CCDC6: variants seen among roughly 807,000 people sequenced by gnomAD.
CCDC6 encodes coiled-coil domain containing 6.
CCDC6 carries 20 observed loss-of-function variants against 56.6 expected under a neutral mutation model. That is an observed-to-expected ratio of 0.35 (90% confidence interval 0.25 to 0.51). CCDC6 has a LOEUF of 0.51. Among genes scored for constraint, CCDC6 ranks in the 20% least tolerant of loss-of-function variants. CCDC6 has a pLI of 0.95. For missense variants in CCDC6, 367 were observed against 601.1 expected (o/e 0.61, Z 4.07); for synonymous variants, 241 against 234.4 (o/e 1.03, Z -0.26).
rs183935871 is a variant in CCDC6, at chr10:59,806,260, G to C, written c.1004+662C>G. Among the ~76,000 whole-genome samples the C allele has an allele frequency of 1.5e-3, 226 of 152,316 alleles. 2 individuals are homozygous for C. Among genetic ancestry groups the C allele is most frequent in the African/African-American group, 5.1e-3 (210 of 41,560 alleles). On this transcript the variant is annotated intron_variant, in intron 6 of 8. Coordinates refer to ENST00000263102, the MANE Select transcript of CCDC6 (RefSeq NM_005436.5). ...ACCTTATCCCGAATTTAGAGAGGAG[G>C]AAGAGGGAAGAGAACTGGATGAGGC...
At chr10:59,895,311 C>T (rs370813569) in intron 1 of CCDC6, among the ~76,000 whole-genome samples, 158 of 152,136 alleles carry the variant, frequency 1.0e-3, no homozygotes, top group African/African-American at 3.4e-3. Flanking sequence ...CAAAGAAAAC[C>T]GACCAAACAA....
intron 3 of CCDC6, among the ~76,000 whole-genome samples, chr10:59,831,903 C>A (rs753135239): frequency 1.3e-5 from 2 of 152,206 alleles, no homozygotes; most frequent in Non-Finnish European, 2.9e-5. Context: ...TACTTCCCAC[C>A]TTTGTCCCTT....
intron 1 of CCDC6, among the ~76,000 whole-genome samples, chr10:59,890,442 C>A (rs1304859596): frequency 6.6e-6 from 1 of 152,108 alleles, no homozygotes; most frequent in African/African-American, 2.4e-5. Flanking sequence ...CAGACAGCAA[C>A]CTGATCTCAG....
intron 7 of CCDC6, among the ~76,000 whole-genome samples, chr10:59,800,735 C>T (rs2070568035): frequency 6.6e-6 from 1 of 151,442 alleles, no homozygotes. Context: ...GCATCTTCAC[C>T]CTCTGACCCA....
At chr10:59,794,811 A>G (rs190938381) in intron 7 of CCDC6, among the ~76,000 whole-genome samples, 69 of 152,300 alleles carry the variant, frequency 4.5e-4, no homozygotes, top group African/African-American at 1.6e-3. Flanking sequence ...ACTCACACGT[A>G]TATGGTCAAC....
chr10:59,876,589 G>GA (rs10714988), intron 1 of CCDC6, among the ~76,000 whole-genome samples: 1,381 of 101,314 alleles, frequency 0.014, 6 homozygotes, highest in East Asian at 0.047. Context: ...TGTTAAGGGG[G>GA]AAAAAAAAAA....
chr10:59,859,834 GCGGGCATATCATT>G (rs1335208262), intron 1 of CCDC6, among the ~76,000 whole-genome samples: 4 of 151,296 alleles, frequency 2.6e-5, no homozygotes, highest in African/African-American at 9.8e-5. Flanking sequence ...GGAGGCTGAG[GCGGGCATATCATT>G]TGAGGCCGGC....
intron 1 of CCDC6, among the ~76,000 whole-genome samples, chr10:59,858,994 T>C (rs888227889): frequency 6.6e-6 from 1 of 152,200 alleles, no homozygotes; most frequent in African/African-American, 2.4e-5. Context: ...TTCAGGGTGC[T>C]GCTTTCTCCT....
At chr10:59,843,450 A>AT (rs1491272129) in intron 2 of CCDC6, among the ~76,000 whole-genome samples, 5 of 152,216 alleles carry the variant, frequency 3.3e-5, no homozygotes, top group African/African-American at 4.8e-5. Flanking sequence ...AAGAAAAGTG[A>AT]TATGTTTCCA....
chr10:59,851,765 G>A (rs1334286627), intron 2 of CCDC6, among the ~76,000 whole-genome samples: 1 of 152,032 alleles, frequency 6.6e-6, no homozygotes, highest in Non-Finnish European at 1.5e-5. Context: ...AAGACAAAAT[G>A]GTAATAATGT....
intron 1 of CCDC6, among the ~76,000 whole-genome samples, chr10:59,853,375 A>C (rs529513117): frequency 5.9e-5 from 9 of 152,224 alleles, no homozygotes; most frequent in African/African-American, 1.9e-4. Flanking sequence ...TCTATAAAAA[A>C]TACAAAAAAT....
At chr10:59,810,376 A>G (rs1465043499) in intron 5 of CCDC6, among the ~76,000 whole-genome samples, 2 of 152,210 alleles carry the variant, frequency 1.3e-5, no homozygotes, top group African/African-American at 4.8e-5. Context: ...TGCCTCTGTT[A>G]GTATCTGCAG....
chr10:59,804,773 G>A (rs2070606438), intron 6 of CCDC6: 1 of 423,270 alleles, frequency 2.4e-6, no homozygotes, highest in Admixed American at 3.7e-5. Flanking sequence ...CCAGGTGAAA[G>A]AGGTGCACCA....
At chr10:59,835,838 G>A (rs952337541) in intron 2 of CCDC6, among the ~76,000 whole-genome samples, 8 of 152,024 alleles carry the variant, frequency 5.3e-5, no homozygotes, top group African/African-American at 1.9e-4. Flanking sequence ...CAAGAGGATC[G>A]CTTGAGCCCC....
chr10:59,892,991 C>T (rs963467758), intron 1 of CCDC6, among the ~76,000 whole-genome samples: 6 of 152,186 alleles, frequency 3.9e-5, no homozygotes, highest in Non-Finnish European at 7.4e-5. Flanking sequence ...TTCACAGATA[C>T]TTATGCAGAC....
At chr10:59,890,741 T>TATTATTATA in intron 1 of CCDC6, among the ~76,000 whole-genome samples, 1 of 152,274 alleles carries the variant, frequency 6.6e-6, no homozygotes, top group East Asian at 1.9e-4. Context: ...ATTTTCTTTT[T>TATTATTATA]ATTATTATAC....
intron 3 of CCDC6, among the ~76,000 whole-genome samples, chr10:59,827,626 G>A (rs1011975611): frequency 6.6e-6 from 1 of 152,146 alleles, no homozygotes; most frequent in African/African-American, 2.4e-5. Flanking sequence ...CACGGGCTAA[G>A]ATATCATTAT....
At chr10:59,853,692 G>A (rs1267339669) in intron 1 of CCDC6, among the ~76,000 whole-genome samples, 2 of 152,160 alleles carry the variant, frequency 1.3e-5, no homozygotes, top group African/African-American at 2.4e-5. Flanking sequence ...GGGTAAAGGT[G>A]GGTGAGAGGG....
chr10:59,803,036 T>C (rs1223368964), intron 7 of CCDC6, among the ~76,000 whole-genome samples: 1 of 152,176 alleles, frequency 6.6e-6, no homozygotes, highest in African/African-American at 2.4e-5. Flanking sequence ...ACCTTTATCA[T>C]GGTAATGAAA....
Sources: gnomAD v4.1 joint callset for allele counts (sites outside exome capture counted in the v4.1 genomes callset) on GRCh38, gnomAD v4.1.1 for gene constraint, MANE v1.5 for transcripts, NCBI Gene and HGNC (gene_info 2026-07-23, HGNC 2026-07-21) for gene names.